Variants in DICER1 observed in about 807,000 individuals in gnomAD.
The protein encoded by DICER1 is endoribonuclease Dicer.
A neutral mutation model predicts 194.1 loss-of-function variants in DICER1; 43 were observed. That is an observed-to-expected ratio of 0.22 (90% confidence interval 0.17 to 0.29). The LOEUF is 0.29. DICER1 is among the 10% of genes least tolerant of loss of function. DICER1 has a pLI of 1.00. For synonymous variants in DICER1, 832 were observed against 820.5 expected, an observed-to-expected ratio of 1.01 and a Z score of -0.24; for missense variants, 1,608 against 2,317.0, an observed-to-expected ratio of 0.69 and a Z score of 6.28.
At chr14:95,136,626 T>C (rs1894395071) in intron 1 of DICER1, 1 of 152,222 alleles carries the variant, frequency 6.6e-6, no homozygotes, top group Admixed American at 6.5e-5. Context: ...AACTTACCCC[T>C]GGCCAGAGGA....
chr14:95,117,161 A>C (rs1442701079), intron 9 of DICER1, among the ~76,000 whole-genome samples: 1 of 152,188 alleles, frequency 6.6e-6, no homozygotes, highest in Non-Finnish European at 1.5e-5. Flanking sequence ...CTTACAAGGC[A>C]CAAAAATATT....
At position 95,089,200 on chromosome 14, in the gene DICER1, GTTT is replaced by G. The variant is rs578164776; in HGVS notation, c.*1295_*1297del. 1.4e-5 allele frequency: 3 copies of G among 210,426 alleles called. No homozygotes were observed. Among genetic ancestry groups the G allele is most frequent in the Admixed American group, 6.1e-5 (1 of 16,488 alleles). The allele number at this position is 210,426 out of a possible 1,614,324, so 13.0% of individuals were successfully genotyped here. On this transcript the variant is annotated 3_prime_UTR_variant, in exon 27 of 27. Coordinates refer to ENST00000343455, the MANE Select transcript of DICER1 (RefSeq NM_177438.3). ...GAAACTTAGGCAAATGCCTAAAGAAGTTTTTTTTTTTTTCCTTTTCCAAAGATG... is the reference window on the plus strand; with the variant it reads ...GAAACTTAGGCAAATGCCTAAAGAAGTTTTTTTTTTCCTTTTCCAAAGATG...
chr14:95,117,753 A>T lies in DICER1; in HGVS notation c.1378T>A (p.Leu460Met). 1 of 1,613,798 alleles carries T rather than the reference A, an allele frequency of 6.2e-7. No homozygotes were observed. The highest frequency in any genetic ancestry group is 8.5e-7 in the Non-Finnish European group (1 of 1,179,752). The change falls in exon 9 of 27, where the codon TTG becomes ATG. Residue 460 changes from leucine (L) to methionine (M), a missense_variant and splice_region_variant. Physicochemically the swap from Leu to Met is conservative, Grantham distance 15. Coordinates refer to ENST00000343455, the MANE Select transcript of DICER1 (RefSeq NM_177438.3). ...RRYTAVVLNR[L>M]IKEAGKQDPE... ...TCTTGTTTGCCAGCTTCCTTTATCA[A>T]TCTAAGAAAATTATACACATTTGGA...
intron 1 of DICER1, among the ~76,000 whole-genome samples, chr14:95,154,231 CAG>C (rs1895697118): frequency 6.6e-6 from 1 of 152,144 alleles, no homozygotes; most frequent in African/African-American, 2.4e-5. Context: ...ATTTTACTGA[CAG>C]AGGAGTTGTT....
chr14:95,121,987 A>G (rs1892974125), intron 8 of DICER1, among the ~76,000 whole-genome samples: 1 of 152,164 alleles, frequency 6.6e-6, no homozygotes, highest in African/African-American at 2.4e-5. Flanking sequence ...TTTTCCTCCC[A>G]TTAAACTGAT....
intron 24 of DICER1, among the ~76,000 whole-genome samples, chr14:95,093,371 G>A (rs1890019134): frequency 6.6e-6 from 1 of 152,178 alleles, no homozygotes; most frequent in Non-Finnish European, 1.5e-5. Flanking sequence ...GCCTTTGGCT[G>A]AACTTACAAT....
chr14:95,093,810 C>G (rs1890055400), intron 24 of DICER1, 78 bp downstream of exon 24: 2 of 1,502,652 alleles, frequency 1.3e-6, no homozygotes. Context: ...CTTTAGACCA[C>G]TATGCCGTCA....
rs779038098 is a variant in DICER1 at position 95,130,218 on chromosome 14, CAA to C, written c.439-28_439-27del. 53 of 1,606,254 alleles carry C rather than the reference CAA, an allele frequency of 3.3e-5. 1 individual carries two copies. The African/African-American group carries it at 5.5e-4, about 17-fold the overall frequency. On this transcript the variant is annotated intron_variant, in intron 4 of 26. Transcript: ENST00000343455. ...CTAAAATAAAATCAACATCAGTAAA[CAA>C]ACATAGCATTCACTGCCTGGATATA...
At chr14:95,130,761 A>G (rs1161085633) in intron 4 of DICER1, among the ~76,000 whole-genome samples, 1 of 152,214 alleles carries the variant, frequency 6.6e-6, no homozygotes, top group Non-Finnish European at 1.5e-5. Context: ...TGCTGGCTAC[A>G]TGGAAACATG....
In DICER1 at chr14:95,116,515, C is replaced by T. The variant is rs773357230; in HGVS notation, c.1690G>A (p.Ala564Thr). Reference sequence around the variant, plus strand: ...AAACTTTTTATTTTGTCTGTATCCGCTAACATTATATAATTAGAGATGGGT... The same window carrying T: ...AAACTTTTTATTTTGTCTGTATCCGTTAACATTATATAATTAGAGATGGGT... ...RAPISNYIML[A>T]DTDKIKSFEE... Residue 564 changes from alanine (A) to threonine (T), a missense_variant, in exon 10 of 27, where the codon GCG (alanine) becomes ACG (threonine). Around this residue, in one of 10 missense-constraint regions of DICER1, gnomAD observed 657 missense variants for 910.1 expected, o/e 0.72. Transcript: ENST00000343455. 2 of 1,613,788 alleles carry T rather than the reference C, an allele frequency of 1.2e-6. No individual in the cohort carries two copies. The highest frequency in any genetic ancestry group is 2.2e-5 in the South Asian group (2 of 91,060).
intron 22 of DICER1, among the ~76,000 whole-genome samples, chr14:95,098,786 C>G (rs1890591085): frequency 6.6e-6 from 1 of 152,080 alleles, no homozygotes; most frequent in South Asian, 2.1e-4. Context: ...TTAAAATATT[C>G]CCTTAATGCT....
intron 9 of DICER1, 70 bp from the exon 10 acceptor site, chr14:95,116,765 A>G: frequency 1.4e-6 from 2 of 1,477,754 alleles, no homozygotes; most frequent in East Asian, 2.3e-5. Context: ...AAAATTAGTA[A>G]AAGTAAATGA....
chr14:95,122,900 T>G (rs964344761), intron 8 of DICER1, among the ~76,000 whole-genome samples: 1 of 150,454 alleles, frequency 6.6e-6, no homozygotes, highest in Non-Finnish European at 1.5e-5. Context: ...CCCTAAACAT[T>G]CAGAAGCAGT....
intron 9 of DICER1, 103 bp downstream of exon 9, chr14:95,117,519 A>G (rs1011899663): frequency 8.2e-7 from 1 of 1,225,412 alleles, no homozygotes; most frequent in Non-Finnish European, 1.2e-6. Context: ...TACAAAAAAT[A>G]ATAGTAATTC....
intron 11 of DICER1, among the ~76,000 whole-genome samples, chr14:95,113,910 AG>A (rs1254189643): frequency 4.7e-4 from 72 of 152,370 alleles, no homozygotes; most frequent in African/African-American, 1.7e-3. Context: ...GGCTACATAC[AG>A]GAAGACTGAA....
intron 1 of DICER1, among the ~76,000 whole-genome samples, chr14:95,154,879 AAAC>A (rs1231864671): frequency 2.6e-5 from 4 of 152,294 alleles, no homozygotes; most frequent in African/African-American, 7.2e-5. Flanking sequence ...AAAAAAAAAA[AAAC>A]AACTATCTGA....
intron 4 of DICER1, among the ~76,000 whole-genome samples, chr14:95,131,072 C>T (rs1053984335): frequency 1.3e-5 from 2 of 152,066 alleles, no homozygotes; most frequent in South Asian, 4.2e-4. Context: ...CGCTGTCACC[C>T]GGGCTGGAGT....
chr14:95,136,692 A>C (rs1031765154), intron 1 of DICER1: 1 of 152,296 alleles, frequency 6.6e-6, no homozygotes, highest in African/African-American at 2.4e-5. Context: ...TGATGGTTGA[A>C]GAGAAGCAGT....
intron 13 of DICER1, 52 bp from the exon 14 acceptor site, chr14:95,111,508 T>C (rs1406575114): frequency 6.3e-7 from 1 of 1,584,764 alleles, no homozygotes; most frequent in African/African-American, 1.3e-5. Context: ...CCTGATTAAT[T>C]AGTAAAGAAT....
Sources: allele counts gnomAD v4.1 joint callset (sites outside exome capture counted in the v4.1 genomes callset), GRCh38; gene constraint gnomAD v4.1.1; regional missense constraint gnomAD v4.1.1; transcripts MANE v1.5; gene names NCBI Gene and HGNC (gene_info 2026-07-23, HGNC 2026-07-21).